Variants in CELF4 observed in about 807,000 individuals in gnomAD.
CELF4 encodes the protein CUGBP Elav-like family member 4, also known as CUG-BP- and ETR-3-like factor 4.
A neutral mutation model predicts 59.9 loss-of-function variants in CELF4; 18 were observed. The observed-to-expected ratio is 0.30, with a 90% confidence interval of 0.21 to 0.45. The LOEUF is 0.45. Ranked by LOEUF, CELF4 falls within the 20% of genes least tolerant of loss-of-function variation. CELF4 has a pLI of 1.00. For missense variants in CELF4, 456 were observed against 689.0 expected (o/e 0.66, Z 3.79); for synonymous variants, 261 against 267.1 (o/e 0.98, Z 0.22).
chr18:37,491,665 G>A (rs2099905913), intron 1 of CELF4, among the ~76,000 whole-genome samples: 1 of 152,110 alleles, frequency 6.6e-6, no homozygotes, highest in African/African-American at 2.4e-5. Flanking sequence ...GGAGTGTGTG[G>A]CAGGAGAGGT....
At chr18:37,343,059 G>C (rs774361604) in intron 2 of CELF4, among the ~76,000 whole-genome samples, 1 of 152,202 alleles carries the variant, frequency 6.6e-6, no homozygotes, top group African/African-American at 2.4e-5. Flanking sequence ...GGAAGGGTGT[G>C]CACCGTGTGA....
At chr18:37,327,629 C>G (rs767130289) in intron 2 of CELF4, among the ~76,000 whole-genome samples, 2 of 152,182 alleles carry the variant, frequency 1.3e-5, no homozygotes, top group Non-Finnish European at 2.9e-5. Context: ...TGCCTGATGC[C>G]TGCTTAAAGC....
intron 2 of CELF4, among the ~76,000 whole-genome samples, chr18:37,346,215 G>C (rs605828): frequency 0.17 from 25,911 of 152,132 alleles, 2,271 homozygotes; most frequent in East Asian, 0.25. Flanking sequence ...CCAATGTCTA[G>C]TGCAGCTGCA....
intron 3 of CELF4, among the ~76,000 whole-genome samples, chr18:37,314,383 A>G (rs1324891815): frequency 6.6e-6 from 1 of 152,160 alleles, no homozygotes; most frequent in East Asian, 1.9e-4. Context: ...TAAACCTGGG[A>G]GGTGGAGGTT....
In CELF4 at chr18:37,411,592, G is replaced by A. The variant is rs76021332; in HGVS notation, c.369+73933C>T. Among the ~76,000 whole-genome samples the A allele has an allele frequency of 1.9e-3, 288 of 152,286 alleles. 6 individuals are homozygous for A. In the East Asian group the frequency reaches 0.043, roughly 23 times the overall value. On this transcript the variant is annotated intron_variant, in intron 2 of 12. Transcript: ENST00000420428. ...ACTTTCTGATGGGTGAAGAACGTTA[G>A]GTATTAACTGGCATTTAAAACACAC... is the stretch of plus-strand genomic sequence containing the variant.
chr18:37,435,000 C>T (rs755438413), intron 2 of CELF4, among the ~76,000 whole-genome samples: 4 of 152,208 alleles, frequency 2.6e-5, no homozygotes, highest in Non-Finnish European at 4.4e-5. Context: ...ATGGCAAGTC[C>T]ACAGGAGGGG....
At chr18:37,439,185 G>A (rs1190801644) in intron 2 of CELF4, among the ~76,000 whole-genome samples, 1 of 152,338 alleles carries the variant, frequency 6.6e-6, no homozygotes, top group Admixed American at 6.5e-5. Context: ...AGGCAGGCCT[G>A]GCTGCAGTTA....
chr18:37,318,041 A>G (rs985116656), intron 3 of CELF4, among the ~76,000 whole-genome samples: 1 of 152,022 alleles, frequency 6.6e-6, no homozygotes, highest in African/African-American at 2.4e-5. Flanking sequence ...TGTTCCCCAA[A>G]TCCTAAGCAG....
intron 1 of CELF4, among the ~76,000 whole-genome samples, chr18:37,526,962 C>G (rs988371388): frequency 5.3e-5 from 8 of 152,124 alleles, no homozygotes; most frequent in African/African-American, 1.9e-4. Flanking sequence ...GCCTCAGTTG[C>G]CTTATCTATA....
chr18:37,555,949 C>T (rs1235274492), intron 1 of CELF4, among the ~76,000 whole-genome samples: 2 of 152,106 alleles, frequency 1.3e-5, no homozygotes, highest in African/African-American at 2.4e-5. Context: ...TGTAAGTGTG[C>T]GTGTGACTGT....
intron 6 of CELF4, chr18:37,273,482 G>A (rs1022735139): frequency 1.7e-5 from 18 of 1,065,184 alleles, no homozygotes; most frequent in Non-Finnish European, 2.0e-5. Context: ...TCGTGGGGAA[G>A]TGACATCCAA....
At chr18:37,500,578 G>T (rs1218268570) in intron 1 of CELF4, among the ~76,000 whole-genome samples, 1 of 148,716 alleles carries the variant, frequency 6.7e-6, no homozygotes, top group Non-Finnish European at 1.5e-5. Context: ...TTGTCGCCCA[G>T]GCTGGAGTGC....
intron 2 of CELF4, among the ~76,000 whole-genome samples, chr18:37,371,149 C>G (rs541457443): frequency 6.6e-6 from 1 of 152,180 alleles, no homozygotes; most frequent in South Asian, 2.1e-4. Flanking sequence ...CTACCCATCA[C>G]GTCCATCTGC....
intron 1 of CELF4, among the ~76,000 whole-genome samples, chr18:37,497,442 A>T (rs1284125804): frequency 2.0e-5 from 3 of 152,208 alleles, no homozygotes; most frequent in Non-Finnish European, 4.4e-5. Flanking sequence ...TCACGAGGTC[A>T]GGAGTTCAAG....
chr18:37,514,904 A>G (rs959455921), intron 1 of CELF4, among the ~76,000 whole-genome samples: 1 of 152,198 alleles, frequency 6.6e-6, no homozygotes, highest in Non-Finnish European at 1.5e-5. Context: ...AATTATATAA[A>G]TTACAGCCCT....
intron 3 of CELF4, among the ~76,000 whole-genome samples, chr18:37,286,330 G>A (rs2094761712): frequency 6.6e-6 from 1 of 152,222 alleles, no homozygotes; most frequent in African/African-American, 2.4e-5. Flanking sequence ...ACAGTGATAA[G>A]GCTGTGTGTG....
chr18:37,409,700 A>C (rs1423672490), intron 2 of CELF4, among the ~76,000 whole-genome samples: 1 of 151,984 alleles, frequency 6.6e-6, no homozygotes, highest in Non-Finnish European at 1.5e-5. Flanking sequence ...CAAAGACAGG[A>C]GGGGGAGCTG....
At chr18:37,402,673 A>G (rs1438784566) in intron 2 of CELF4, among the ~76,000 whole-genome samples, 1 of 152,216 alleles carries the variant, frequency 6.6e-6, no homozygotes, top group Non-Finnish European at 1.5e-5. Context: ...AAGAGTAAGT[A>G]AAAGTTCAAG....
At chr18:37,559,572 T>G (rs892699113) in intron 1 of CELF4, among the ~76,000 whole-genome samples, 2 of 152,262 alleles carry the variant, frequency 1.3e-5, no homozygotes, top group Admixed American at 6.5e-5. Flanking sequence ...ATTTCTGCCC[T>G]CTAGAGCCTA....
Sources: allele counts gnomAD v4.1 joint callset (sites outside exome capture counted in the v4.1 genomes callset), GRCh38; gene constraint gnomAD v4.1.1; transcripts MANE v1.5; gene names NCBI Gene and HGNC (gene_info 2026-07-23, HGNC 2026-07-21).